FBN1: variants seen among roughly 807,000 people sequenced by gnomAD.
FBN1 encodes the protein fibrillin-1.
In FBN1, 29 loss-of-function variants were observed where a neutral mutation model predicts 365.1. The ratio of observed to expected loss-of-function variants is 0.08; its 90% CI spans 0.06 to 0.11. FBN1 has a LOEUF of 0.11. FBN1 is among the 10% of genes least tolerant of loss of function. The pLI is 1.00. For synonymous variants in FBN1, 1,210 were observed against 1,270.5 expected, an observed-to-expected ratio of 0.95 and a Z score of 1.01; for missense variants, 2,476 against 3,703.2, an observed-to-expected ratio of 0.67 and a Z score of 8.60.
intron 43 of FBN1, 77 bp from the exon 44 acceptor site, chr15:48,456,839 C>CGTGAGT: frequency 3.0e-6 from 3 of 999,584 alleles, no homozygotes; most frequent in Non-Finnish European, 2.8e-6. Context: ...ATGGAAAGTG[C>CGTGAGT]GTGCGTGTGT....
chr15:48,474,322 C>T lies in FBN1; in HGVS notation c.4143G>A (p.Lys1381=). 1 of 1,614,104 alleles carries T rather than the reference C, an allele frequency of 6.2e-7. No homozygotes were observed. Among genetic ancestry groups the T allele is most frequent in the Non-Finnish European group, 8.5e-7 (1 of 1,179,978 alleles). ...GACAGCGGTAAGATCCCATGGTATT[C>T]TTGCAGTCTGCATGCTGGCTGCACA... ...THMCSQHADC[K]NTMGSYRCLC... is the part of the protein sequence containing the mutation. The change falls in exon 34 of 66, where the codon AAG becomes AAA. Residue 1381 remains lysine, a synonymous_variant. Transcript: ENST00000316623.
rs113115949 is a variant in FBN1, at chr15:48,465,605, G to A, written c.4905C>T (p.Thr1635=). The change falls in exon 40 of 66, where the codon ACC becomes ACT. Residue 1635 remains threonine (T), a synonymous_variant. Transcript: ENST00000316623. ...GTGTATCTTCATTCAGGTAGTAGCC[G>A]GTTGGACAGCGGCACTGGAAACTCC... ...TFGSFQCRCP[T]GYYLNEDTRV... 7.4e-6 allele frequency: 12 copies of A among 1,614,060 alleles called. No individual in the cohort carries two copies. Among genetic ancestry groups the A allele is most frequent in the Non-Finnish European group, 1.0e-5 (12 of 1,179,976 alleles).
At chr15:48,470,880 G>T in intron 35 of FBN1, 124 bp from the exon 36 acceptor site, 1 of 1,084,972 alleles carries the variant, frequency 9.2e-7, no homozygotes, top group Non-Finnish European at 1.4e-6. Context: ...ACCAATCTGG[G>T]CACTTCTCCT....
At chr15:48,468,321 A>T in intron 37 of FBN1, 91 bp downstream of exon 37, 1 of 1,528,834 alleles carries the variant, frequency 6.5e-7, no homozygotes, top group Non-Finnish European at 9.0e-7. Flanking sequence ...TGTATCATTC[A>T]TTTTGCAAAC....
chr15:48,599,967 T>C (rs1357187115), intron 5 of FBN1, among the ~76,000 whole-genome samples, 172 bp downstream of exon 5: 3 of 152,138 alleles, frequency 2.0e-5, no homozygotes, highest in Admixed American at 6.5e-5. Flanking sequence ...AATTGGAAAT[T>C]TGGTGTTAAG....
chr15:48,635,818 G>C (rs1566943136), intron 2 of FBN1, among the ~76,000 whole-genome samples: 1 of 152,180 alleles, frequency 6.6e-6, no homozygotes, highest in East Asian at 1.9e-4. Flanking sequence ...TTTAAATGCA[G>C]AACTGTGGAC....
chr15:48,481,884 T>TG, intron 31 of FBN1, 104 bp from the exon 32 acceptor site: 1 of 1,184,122 alleles, frequency 8.4e-7, no homozygotes, highest in Non-Finnish European at 1.2e-6. Context: ...AAAGGTAAAA[T>TG]GCTTTCCCTC....
At chr15:48,531,037 C>A (rs2043967978) in intron 8 of FBN1, among the ~76,000 whole-genome samples, 1 of 152,164 alleles carries the variant, frequency 6.6e-6, no homozygotes, top group Non-Finnish European at 1.5e-5. Context: ...GAAAAATGTT[C>A]ATGTGTTCTT....
intron 6 of FBN1, among the ~76,000 whole-genome samples, chr15:48,562,503 A>T (rs987814680): frequency 3.3e-5 from 5 of 152,220 alleles, no homozygotes; most frequent in Admixed American, 1.3e-4. Context: ...TGAACGTTTT[A>T]GGTGTCGCCA....
chr15:48,464,043 G>C (rs2043301474), intron 40 of FBN1, 22 bp from the exon 41 acceptor site: 1 of 1,612,698 alleles, frequency 6.2e-7, no homozygotes, highest in South Asian at 1.1e-5. Context: ...AGAGAAAGTG[G>C]TATGTGAATA....
Position 48,497,369 on chromosome 15 carries a change from A to T in FBN1, c.2190T>A (p.Asp730Glu). 2 of 1,613,968 alleles carry T rather than the reference A, an allele frequency of 1.2e-6. No individual in the cohort carries two copies. The highest frequency in any genetic ancestry group is 1.7e-6 in the Non-Finnish European group (2 of 1,179,844). Residue 730 changes from aspartate to glutamate, a missense_variant, in exon 19 of 66, where the codon GAT becomes GAA. Around this residue, in one of 5 missense-constraint regions of FBN1, gnomAD observed 1,780 missense variants for 2,840.8 expected, o/e 0.63. Transcript: ENST00000316623. ...AGATTCCATTTGGGCAAATATCAGG[A>T]TCTAGTGCACATTCATTTATATCTG... The part of the protein sequence containing the change: ...AGSDINECAL[D>E]PDICPNGICE...
chr15:48,587,423 T>C (rs534129979), intron 6 of FBN1, among the ~76,000 whole-genome samples: 4 of 152,314 alleles, frequency 2.6e-5, no homozygotes, highest in South Asian at 2.1e-4. Context: ...CACAGTTCAA[T>C]AGAATGGAAG....
At chr15:48,580,827 C>T (rs2044385694) in intron 6 of FBN1, among the ~76,000 whole-genome samples, 1 of 152,126 alleles carries the variant, frequency 6.6e-6, no homozygotes, top group Admixed American at 6.5e-5. Context: ...AGTTACTATT[C>T]TATCCTAAAG....
chr15:48,450,217 A>T (rs957902841), intron 45 of FBN1, among the ~76,000 whole-genome samples: 2 of 152,208 alleles, frequency 1.3e-5, no homozygotes, highest in African/African-American at 4.8e-5. Flanking sequence ...AGTTGGCCCA[A>T]AACTTTGGCA....
chr15:48,463,025 C>T (rs533413880), intron 42 of FBN1, 57 bp downstream of exon 42: 58 of 1,544,906 alleles, frequency 3.8e-5, no homozygotes, highest in Non-Finnish European at 4.9e-5. Flanking sequence ...ATTTCCCCAA[C>T]AATTCATGGG....
At chr15:48,448,641 T>C (rs2043177109) in intron 46 of FBN1, 127 bp downstream of exon 46, 1 of 817,430 alleles carries the variant, frequency 1.2e-6, no homozygotes, top group Non-Finnish European at 1.9e-6. Context: ...TGCATATCTG[T>C]CTGTGTTTTT....
chr15:48,492,499 C>G lies in FBN1; in HGVS notation c.2816G>C (p.Ser939Thr). Residue 939 changes from serine to threonine, a missense_variant, in exon 24 of 66, where the codon AGT (serine) becomes ACT (threonine). Physicochemically the swap from Ser to Thr is moderately conservative, Grantham distance 58 (BLOSUM62 1). This residue lies in a region of FBN1 where 1,780 missense variants were observed against 2,840.8 expected (regional missense o/e 0.63). Transcript: ENST00000316623. ...TCCTGTGGCATCCAAAGTCATTCCA[C>G]TGGGACACTGACACTTGAATGACCC... ...TRGSFKCQCP[S>T]GMTLDATGRI... The G allele has an allele frequency of 1.2e-6, 2 of 1,613,634 alleles. No homozygotes were observed. The highest frequency in any genetic ancestry group is 1.1e-5 in the South Asian group (1 of 91,038).
chr15:48,501,131 T>C lies in FBN1; in HGVS notation c.2114-2093A>G, dbSNP rs796307776. ...ACCGGGCCTTACATTTAACTCTCTT[T>C]AAGCTTTACTGTTGCTTTGGTTTGA... On this transcript the variant is annotated intron_variant, in intron 17 of 65. Transcript: ENST00000316623. Among the ~76,000 whole-genome samples the C allele has an allele frequency of 2.2e-4, 34 of 152,342 alleles. 1 individual carries two copies. Among genetic ancestry groups the C allele is most frequent in the Non-Finnish European group, 3.2e-4 (22 of 68,030 alleles).
intron 31 of FBN1, among the ~76,000 whole-genome samples, chr15:48,483,607 T>C (rs2043483050): frequency 6.6e-6 from 1 of 152,224 alleles, no homozygotes; most frequent in Non-Finnish European, 1.5e-5. Flanking sequence ...GAATGGCCAG[T>C]CAGTCCTCAT....
Sources: allele counts gnomAD v4.1 joint callset (sites outside exome capture counted in the v4.1 genomes callset), GRCh38; gene constraint gnomAD v4.1.1; regional missense constraint gnomAD v4.1.1; transcripts MANE v1.5; gene names NCBI Gene and HGNC (gene_info 2026-07-23, HGNC 2026-07-21).